SDK1: variants seen among roughly 807,000 people sequenced by gnomAD.
The protein encoded by SDK1 is sidekick cell adhesion molecule 1, also known as protein sidekick-1.
A neutral mutation model predicts 245.5 loss-of-function variants in SDK1; 157 were observed. The observed-to-expected ratio is 0.64, with a 90% CI of 0.56 to 0.73. The LOEUF (loss-of-function observed/expected upper bound fraction) is 0.73, where lower values mean the gene tolerates loss of function less well. SDK1 is among the 30% of genes least tolerant of loss of function. SDK1 has a pLI of 0.00. For synonymous variants in SDK1, 1,647 were observed against 1,278.5 expected (o/e 1.29, Z -6.15); for missense variants, 3,583 against 3,002.3 (o/e 1.19, Z -4.52).
chr7:3,752,785 G>A (rs942684102), intron 4 of SDK1, among the ~76,000 whole-genome samples: 2 of 152,116 alleles, frequency 1.3e-5, no homozygotes, highest in African/African-American at 4.8e-5. Flanking sequence ...GGAAACAATT[G>A]TGTAGTAAAT....
At chr7:3,727,138 C>T (rs1009284747) in intron 4 of SDK1, among the ~76,000 whole-genome samples, 4 of 152,182 alleles carry the variant, frequency 2.6e-5, no homozygotes, top group African/African-American at 7.2e-5. Flanking sequence ...TTTGAAGGGA[C>T]TGATTTTCAC....
intron 4 of SDK1, among the ~76,000 whole-genome samples, chr7:3,691,809 T>C (rs1017135403): frequency 2.0e-5 from 3 of 152,186 alleles, no homozygotes; most frequent in African/African-American, 7.2e-5. Flanking sequence ...ACTTGGCTTA[T>C]CTACTTACTC....
chr7:3,918,430 G>A (rs530063583), intron 5 of SDK1, among the ~76,000 whole-genome samples: 1 of 152,162 alleles, frequency 6.6e-6, no homozygotes, highest in African/African-American at 2.4e-5. Context: ...TGCCCGCGAG[G>A]CATCTAGGTT....
At chr7:4,199,390 A>T (rs1344268914) in intron 35 of SDK1, among the ~76,000 whole-genome samples, 1 of 152,198 alleles carries the variant, frequency 6.6e-6, no homozygotes, top group Non-Finnish European at 1.5e-5. Context: ...GATGATGGCT[A>T]TTGAGCTGAT....
chr7:3,524,189 G>T (rs1332787726), intron 1 of SDK1, among the ~76,000 whole-genome samples: 1 of 152,198 alleles, frequency 6.6e-6, no homozygotes, highest in African/African-American at 2.4e-5. Flanking sequence ...ATTGCTTGAG[G>T]TATGAGAGGT....
rs565410763 is a variant in SDK1, at chr7:3,789,478, A to G, written c.714-31972A>G. Reference sequence around the variant, plus strand: ...CTGCTTTTCTACTTTACAGGTATAAATAAGTGTTCCTAAGCAACCCTTCTT... The same window carrying G: ...CTGCTTTTCTACTTTACAGGTATAAGTAAGTGTTCCTAAGCAACCCTTCTT... On this transcript the variant is annotated intron_variant, in intron 4 of 44. Coordinates refer to ENST00000404826, the MANE Select transcript of SDK1 (RefSeq NM_152744.4). 2.6e-4 allele frequency among the ~76,000 whole-genome samples: 39 copies of G among 152,346 alleles called. 2 individuals are homozygous for G. The South Asian group carries it at 7.9e-3, about 31-fold the overall frequency.
At chr7:4,141,545 G>A in intron 28 of SDK1, among the ~76,000 whole-genome samples, 1 of 152,174 alleles carries the variant, frequency 6.6e-6, no homozygotes. Context: ...AAGGCAATTT[G>A]GATTTTGAGC....
chr7:4,050,159 C>T (rs1253527662), intron 18 of SDK1, among the ~76,000 whole-genome samples: 2 of 152,216 alleles, frequency 1.3e-5, no homozygotes, highest in African/African-American at 4.8e-5. Context: ...ACAGGGGAAG[C>T]TCTATACAGT....
rs3086109 is a variant in SDK1, at chr7:3,676,322, CTTTT to C, written c.713+34235_713+34238del. Among the ~76,000 whole-genome samples the C allele has an allele frequency of 7.5e-5, 10 of 133,334 alleles. No individual in the cohort carries two copies. In the East Asian group the frequency reaches 8.8e-4, roughly 12 times the overall value. 87.5% of individuals were successfully genotyped at this position (133,334 alleles called of 152,430 possible). A position where few individuals can be genotyped will look rare whatever the true frequency, so the allele number is the denominator to read the frequency against. ...GTACCACACCTGGCCTCTTCTAGTA[CTTTT>C]TTTTTTTTTTTTTTTTTGAGACGGA... is the stretch of plus-strand genomic sequence containing the variant. On this transcript the variant is annotated intron_variant, in intron 4 of 44. Coordinates refer to ENST00000404826, the MANE Select transcript of SDK1 (RefSeq NM_152744.4).
chr7:3,462,188 C>G (rs1335865527), intron 1 of SDK1, among the ~76,000 whole-genome samples: 1 of 152,124 alleles, frequency 6.6e-6, no homozygotes, highest in African/African-American at 2.4e-5. Context: ...CTAAAGGATG[C>G]TCTTCAGTTC....
At chr7:4,027,619 G>T (rs756738361) in intron 17 of SDK1, among the ~76,000 whole-genome samples, 1 of 152,080 alleles carries the variant, frequency 6.6e-6, no homozygotes, top group Non-Finnish European at 1.5e-5. Flanking sequence ...GAGTTTCCTC[G>T]GATTAACCAT....
chr7:3,902,245 T>A (rs1232058696), intron 5 of SDK1, among the ~76,000 whole-genome samples: 2 of 152,198 alleles, frequency 1.3e-5, no homozygotes, highest in African/African-American at 4.8e-5. Flanking sequence ...CGCTGACATC[T>A]CTAATTCCAG....
chr7:3,952,170 G>A (rs958340552), intron 7 of SDK1: 9 of 504,786 alleles, frequency 1.8e-5, no homozygotes, highest in African/African-American at 1.0e-4. Flanking sequence ...CACAAAGCTC[G>A]GGAAATAGAG....
chr7:3,472,944 G>A (rs569366170), intron 1 of SDK1, among the ~76,000 whole-genome samples: 6 of 152,228 alleles, frequency 3.9e-5, no homozygotes, highest in African/African-American at 1.4e-4. Flanking sequence ...AAAATGAAAG[G>A]CATTGCACAC....
chr7:4,094,156 A>G (rs952230449), intron 22 of SDK1, among the ~76,000 whole-genome samples: 2 of 152,074 alleles, frequency 1.3e-5, no homozygotes, highest in African/African-American at 4.8e-5. Context: ...TTGTAGGTTC[A>G]AGCGATTCTC....
intron 1 of SDK1, among the ~76,000 whole-genome samples, chr7:3,392,429 T>TACC (rs1289958031): frequency 6.6e-6 from 1 of 152,168 alleles, no homozygotes; most frequent in African/African-American, 2.4e-5. Context: ...CTTTTATATA[T>TACC]ACTTTTATGG....
intron 44 of SDK1, among the ~76,000 whole-genome samples, chr7:4,256,773 A>C (rs1007493607): frequency 6.6e-6 from 1 of 152,222 alleles, no homozygotes. Context: ...CCAGGGGATA[A>C]GGAGTGAGAA....
chr7:3,481,688 G>A (rs1781528195), intron 1 of SDK1, among the ~76,000 whole-genome samples: 1 of 152,224 alleles, frequency 6.6e-6, no homozygotes, highest in African/African-American at 2.4e-5. Context: ...CAGGGACCCT[G>A]TCCACTCTGT....
At chr7:4,117,669 T>G (rs1783798310) in intron 25 of SDK1, among the ~76,000 whole-genome samples, 1 of 152,146 alleles carries the variant, frequency 6.6e-6, no homozygotes, top group Non-Finnish European at 1.5e-5. Context: ...GTCTGCACCC[T>G]GGTCCTGGGC....
Sources: gnomAD v4.1 joint callset for allele counts (sites outside exome capture counted in the v4.1 genomes callset) on GRCh38, gnomAD v4.1.1 for gene constraint, MANE v1.5 for transcripts, NCBI Gene and HGNC (gene_info 2026-07-23, HGNC 2026-07-21) for gene names.